The following ATP13A3 variants were observed in gnomAD, a reference collection of about 807,000 sequenced individuals.
ATP13A3 encodes the protein polyamine-transporting ATPase 13A3.
A neutral mutation model predicts 158.1 loss-of-function variants in ATP13A3; 59 were observed. The ratio of observed to expected loss-of-function variants is 0.37; its 90% CI spans 0.30 to 0.46. The LOEUF (loss-of-function observed/expected upper bound fraction) is 0.46. Among genes scored for constraint, ATP13A3 ranks in the 20% least tolerant of loss-of-function variants. ATP13A3 has a pLI of 1.00. For missense variants in ATP13A3, 1,166 were observed against 1,525.2 expected, an observed-to-expected ratio of 0.76 and a Z score of 3.92; for synonymous variants, 491 against 504.3, an observed-to-expected ratio of 0.97 and a Z score of 0.35.
intron 30 of ATP13A3, 155 bp from the exon 31 acceptor site, chr3:194,420,122 G>A (rs1716185836): frequency 1.3e-6 from 1 of 771,760 alleles, no homozygotes; most frequent in South Asian, 2.9e-5. Context: ...TTATCTCCTG[G>A]AGTATGAGAC....
intron 33 of ATP13A3, among the ~76,000 whole-genome samples, chr3:194,409,002 G>A (rs948728522): frequency 2.0e-5 from 3 of 152,118 alleles, no homozygotes; most frequent in Non-Finnish European, 4.4e-5. Flanking sequence ...AAACCTCTAC[G>A]GCACAAGTCC....
At position 194,430,321 on chromosome 3, in the gene ATP13A3, A is replaced by G; in HGVS notation, c.2625-6T>C. On this transcript the variant is annotated splice_region_variant and splice_polypyrimidine_tract_variant and intron_variant, in intron 24 of 33. Coordinates refer to ENST00000645319, the MANE Select transcript of ATP13A3 (RefSeq NM_001367549.1). ...CACACATCCCAACAAAATAACTAAG[A>G]AACAAAACAATGTTAAGATTTTAAT... 1 of 1,612,642 alleles carries G rather than the reference A, an allele frequency of 6.2e-7. No individual in the cohort carries two copies. The highest frequency in any genetic ancestry group is 8.5e-7 in the Non-Finnish European group (1 of 1,178,974).
chr3:194,481,534 T>C (rs1204609756), intron 2 of ATP13A3, among the ~76,000 whole-genome samples: 1 of 152,146 alleles, frequency 6.6e-6, no homozygotes, highest in Admixed American at 6.5e-5. Context: ...TTTCCTCTTC[T>C]CTAAAAAGGC....
rs184389699 is a variant in ATP13A3, at chr3:194,459,565, C to G, written c.409-24G>C. Reference sequence around the variant, plus strand: ...ATCTGTGGAACACAAATAAACGTTACACCAAAAAGCATATAATCACTTGTG... The same window carrying G: ...ATCTGTGGAACACAAATAAACGTTAGACCAAAAAGCATATAATCACTTGTG... On this transcript the variant is annotated intron_variant, in intron 5 of 33. Coordinates refer to ENST00000645319, the MANE Select transcript of ATP13A3 (RefSeq NM_001367549.1). 9.0e-5 allele frequency: 140 copies of G among 1,549,898 alleles called. 2 individuals carry two copies. The Admixed American group carries it at 2.2e-3, about 24-fold the overall frequency.
intron 31 of ATP13A3, among the ~76,000 whole-genome samples, chr3:194,414,570 T>C (rs1388448495): frequency 6.6e-6 from 1 of 152,104 alleles, no homozygotes; most frequent in Non-Finnish European, 1.5e-5. Context: ...ATCTAAGTGT[T>C]CACTTTAAAA....
At chr3:194,425,763 A>G (rs999928738) in intron 29 of ATP13A3, among the ~76,000 whole-genome samples, 1 of 152,230 alleles carries the variant, frequency 6.6e-6, no homozygotes, top group Non-Finnish European at 1.5e-5. Flanking sequence ...CAAGTAGGAA[A>G]TATTTAATAA....
chr3:194,437,381 C>G lies in ATP13A3; in HGVS notation c.1929G>C (p.Gly643=). 6.2e-7 allele frequency: 1 copy of G among 1,614,148 alleles called. No homozygotes were observed. Among genetic ancestry groups the G allele is most frequent in the Non-Finnish European group, 8.5e-7 (1 of 1,180,028 alleles). The change falls in exon 19 of 34, where the codon GGG becomes GGC. Residue 643 remains glycine (G), a synonymous_variant. Transcript: ENST00000645319. ...TCATGTAGGCGTCCATTTTCCTATCCCCCAGCACCCTGGCAACCACACTCA... is the reference window on the plus strand; with the variant it reads ...TCATGTAGGCGTCCATTTTCCTATCGCCCAGCACCCTGGCAACCACACTCA... ...QRMSVVARVL[G]DRKMDAYMKG...
chr3:194,483,106 C>CGA (rs749625135), intron 2 of ATP13A3, among the ~76,000 whole-genome samples: 2 of 124,470 alleles, frequency 1.6e-5, no homozygotes, highest in African/African-American at 6.1e-5. Flanking sequence ...GACTCCGTCT[C>CGA]AAAAAAAAAA....
chr3:194,443,779 C>G (rs1718206990), intron 15 of ATP13A3, among the ~76,000 whole-genome samples: 2 of 151,796 alleles, frequency 1.3e-5, no homozygotes. Flanking sequence ...CAAAAAGCAA[C>G]AGAAACAAAA....
intron 2 of ATP13A3, among the ~76,000 whole-genome samples, chr3:194,480,676 C>A (rs761514886): frequency 6.6e-6 from 1 of 151,874 alleles, no homozygotes; most frequent in Admixed American, 6.6e-5. Context: ...TTCATAAATA[C>A]CTAAGTTATT....
intron 31 of ATP13A3, among the ~76,000 whole-genome samples, chr3:194,414,378 A>G (rs1715657602): frequency 6.6e-6 from 1 of 151,650 alleles, no homozygotes; most frequent in African/African-American, 2.4e-5. Flanking sequence ...CACGAGAATC[A>G]CTTGAGCCTG....
chr3:194,449,700 C>CAA (rs71179361), intron 11 of ATP13A3, among the ~76,000 whole-genome samples: 12 of 147,744 alleles, frequency 8.1e-5, no homozygotes, highest in African/African-American at 3.0e-4. Context: ...AAAAAAAAAA[C>CAA]AAAAAAAAAA....
chr3:194,420,194 A>C (rs6793096), intron 30 of ATP13A3: 2 of 261,032 alleles, frequency 7.7e-6, no homozygotes, highest in Non-Finnish European at 1.4e-5. Flanking sequence ...AACTCCATTA[A>C]CTTTAACCGT....
rs869283016 is a variant in ATP13A3, at chr3:194,410,331, A to AAAAAACC, written c.3573+1867_3573+1868insGGTTTTT. ...AAAAAAAAAAAAAAAAAAAAAAAAAACTGCTGGGCCTGGGATGGCATGCAC... is the reference window on the plus strand; with the variant it reads ...AAAAAAAAAAAAAAAAAAAAAAAAAAAAAAACCCTGCTGGGCCTGGGATGGCATGCAC... On this transcript the variant is annotated intron_variant, in intron 33 of 33. Transcript: ENST00000645319. Among the ~76,000 whole-genome samples the AAAAAACC allele has an allele frequency of 1.5e-5, 2 of 132,942 alleles. 1 individual carries two copies. Among genetic ancestry groups the AAAAAACC allele is most frequent in the African/African-American group, 5.7e-5 (2 of 34,802 alleles). The allele number at this position is 132,942 out of a possible 152,430, so 87.2% of individuals were successfully genotyped here.
At chr3:194,483,045 T>C (rs1215293628) in intron 2 of ATP13A3, among the ~76,000 whole-genome samples, 1 of 150,176 alleles carries the variant, frequency 6.7e-6, no homozygotes, top group Admixed American at 6.6e-5. Flanking sequence ...AGGCGGAAGT[T>C]GCAGTGAGCG....
chr3:194,438,835 T>C, intron 17 of ATP13A3, 21 bp downstream of exon 17: 1 of 1,440,146 alleles, frequency 6.9e-7, no homozygotes, highest in Non-Finnish European at 9.5e-7. Context: ...CAGTTTTATC[T>C]AGCTTTAAGT....
rs575981251 is a variant in ATP13A3, at chr3:194,447,561, T to TG, written c.1308+290dup. Among the ~76,000 whole-genome samples, 282 of 150,400 alleles carry TG rather than the reference T, an allele frequency of 1.9e-3. 1 individual carries two copies. The highest frequency in any genetic ancestry group is 3.2e-3 in the Non-Finnish European group (220 of 67,718). On this transcript the variant is annotated intron_variant, in intron 13 of 33. Transcript: ENST00000645319. ...GAAAATAAAGCTTTTGGTGATTATG[T>TG]GGGGGGGTTTTTTTTCCTGTTTTTT...
chr3:194,439,797 A>G (rs376531238), intron 16 of ATP13A3, among the ~76,000 whole-genome samples: 6 of 152,362 alleles, frequency 3.9e-5, no homozygotes, highest in African/African-American at 9.6e-5. Flanking sequence ...CTCAGGGCCA[A>G]TGAAATATGC....
Position 194,431,202 on chromosome 3 carries a change from CA to C in ATP13A3, c.2445del (p.His815GlnfsTer4). On this transcript the variant is annotated frameshift_variant, in exon 23 of 34. Transcript: ENST00000645319. LOFTEE classifies it high-confidence loss of function. ...GTCATTTGAAGATCCTCTAAGCTAT[CA>C]TGGACCAATTTAACCGGAATAGCCT... Reference protein sequence around the residue: ...DPEAIPVKLVHDSLEDLQMTR... With the variant: ...DPEAIPVKLVXDSLEDLQMTR... 6.2e-7 allele frequency: 1 copy of C among 1,613,508 alleles called. No individual in the cohort carries two copies. Among genetic ancestry groups the C allele is most frequent in the Non-Finnish European group, 8.5e-7 (1 of 1,179,500 alleles).
Sources: allele counts gnomAD v4.1 joint callset (sites outside exome capture counted in the v4.1 genomes callset), GRCh38; gene constraint gnomAD v4.1.1; transcripts MANE v1.5; gene names NCBI Gene and HGNC (gene_info 2026-07-23, HGNC 2026-07-21).